QKI: variants seen among roughly 807,000 people sequenced by gnomAD.
The protein encoded by QKI is KH domain-containing RNA-binding protein QKI.
A neutral mutation model predicts 39.0 loss-of-function variants in QKI; 10 were observed. The ratio of observed to expected loss-of-function variants is 0.26; its 90% CI spans 0.16 to 0.43. The LOEUF is 0.43. Among genes scored for constraint, QKI ranks in the 20% least tolerant of loss-of-function variants. The pLI is 1.00. For synonymous variants in QKI, 204 were observed against 155.4 expected, an observed-to-expected ratio of 1.31 and a Z score of -2.33; for missense variants, 218 against 428.0, an observed-to-expected ratio of 0.51 and a Z score of 4.33.
intron 1 of QKI, among the ~76,000 whole-genome samples, chr6:163,431,768 G>A (rs1436015234): frequency 6.9e-6 from 1 of 145,540 alleles, no homozygotes; most frequent in Non-Finnish European, 1.5e-5. Context: ...TAGTAGAATA[G>A]CATTTTATTT....
At chr6:163,511,005 C>CA (rs1396364124) in intron 3 of QKI, among the ~76,000 whole-genome samples, 1 of 152,122 alleles carries the variant, frequency 6.6e-6, no homozygotes, top group East Asian at 1.9e-4. Context: ...GTACATTCAC[C>CA]AAAACAGAGC....
chr6:163,552,187 A>G (rs1014672936), intron 4 of QKI, among the ~76,000 whole-genome samples: 6 of 150,156 alleles, frequency 4.0e-5, no homozygotes, highest in Non-Finnish European at 8.9e-5. Context: ...GAAGTGGATC[A>G]TCATAAAGTT....
In QKI at chr6:163,571,302, A is replaced by C. The variant is rs1783686002; in HGVS notation, c.*592A>C. 6.6e-6 allele frequency: 1 copy of C among 152,226 alleles called. No individual in the cohort carries two copies. The highest frequency in any genetic ancestry group is 2.1e-4 in the South Asian group (1 of 4,836). The allele number at this position is 152,226 out of a possible 1,614,324, so 9.4% of individuals were successfully genotyped here. A position where few individuals can be genotyped will look rare whatever the true frequency, so the allele number is the denominator to read the frequency against. The stretch of plus-strand genomic sequence containing the variant: ...AGCCTTTTTTATATTGCCTGCCAAA[A>C]TTTGAAGTATTAGAAGAAAGTGTGC... On this transcript the variant is annotated 3_prime_UTR_variant, in exon 8 of 8. Transcript: ENST00000361752.
intron 3 of QKI, among the ~76,000 whole-genome samples, chr6:163,485,954 C>T (rs2128227204): frequency 6.6e-6 from 1 of 152,196 alleles, no homozygotes; most frequent in East Asian, 1.9e-4. Context: ...CAAACAAAAA[C>T]CTCATGTTTT....
chr6:163,474,941 TA>T (rs1792480456), intron 2 of QKI, among the ~76,000 whole-genome samples: 2 of 143,142 alleles, frequency 1.4e-5, no homozygotes, highest in South Asian at 4.2e-4. Context: ...AGATGAGAGA[TA>T]ACTTAACCAA....
intron 3 of QKI, among the ~76,000 whole-genome samples, chr6:163,488,969 ATTTC>A (rs1347677502): frequency 1.4e-4 from 12 of 86,420 alleles, no homozygotes; most frequent in African/African-American, 2.4e-4. Flanking sequence ...TTATCCTTCC[ATTTC>A]TTTTTTTTTT....
At chr6:163,551,438 C>CTAA (rs1418328279) in intron 4 of QKI, among the ~76,000 whole-genome samples, 1 of 152,192 alleles carries the variant, frequency 6.6e-6, no homozygotes, top group Non-Finnish European at 1.5e-5. Context: ...CTAGCTTAGC[C>CTAA]TAACTCTGAG....
chr6:163,509,461 A>G (rs1193325818), intron 3 of QKI, among the ~76,000 whole-genome samples: 1 of 107,750 alleles, frequency 9.3e-6, no homozygotes, highest in South Asian at 3.6e-4. Flanking sequence ...TTTATATTAC[A>G]TATGACCATT....
At chr6:163,426,161 A>T (rs1439224337) in intron 1 of QKI, among the ~76,000 whole-genome samples, 1 of 152,116 alleles carries the variant, frequency 6.6e-6, no homozygotes, top group African/African-American at 2.4e-5. Flanking sequence ...TATTCTTTAT[A>T]GCTGGATTGT....
At chr6:163,559,773 A>C (rs1350289020) in intron 4 of QKI, among the ~76,000 whole-genome samples, 1 of 152,226 alleles carries the variant, frequency 6.6e-6, no homozygotes, top group Non-Finnish European at 1.5e-5. Flanking sequence ...TTGTAATGCC[A>C]AAAACAGAAT....
At chr6:163,544,819 T>G (rs1781768418) in intron 4 of QKI, among the ~76,000 whole-genome samples, 2 of 152,078 alleles carry the variant, frequency 1.3e-5, no homozygotes, top group Non-Finnish European at 2.9e-5. Flanking sequence ...AATGTGGGTA[T>G]TTTGAGGAGA....
In QKI at chr6:163,519,815, T is replaced by G. The variant is rs575241389; in HGVS notation, c.403-15167T>G. ...GCATTATAGTTATTTTATATAGTTG[T>G]TATATAAAGTTTGTTTAATATCTCA... On this transcript the variant is annotated intron_variant, in intron 3 of 7. Coordinates refer to ENST00000361752, the MANE Select transcript of QKI (RefSeq NM_006775.3). Among the ~76,000 whole-genome samples the G allele has an allele frequency of 4.6e-5, 7 of 152,258 alleles. No individual in the cohort carries two copies. The South Asian group carries it at 1.4e-3, about 32-fold the overall frequency.
intron 1 of QKI, among the ~76,000 whole-genome samples, chr6:163,440,371 A>C (rs1176330867): frequency 1.3e-5 from 2 of 152,212 alleles, no homozygotes; most frequent in African/African-American, 4.8e-5. Flanking sequence ...CCTAACTATG[A>C]AATGAAGGTG....
At chr6:163,513,146 G>A (rs909013097) in intron 3 of QKI, among the ~76,000 whole-genome samples, 4 of 152,042 alleles carry the variant, frequency 2.6e-5, no homozygotes, top group South Asian at 4.1e-4. Flanking sequence ...AGGAAAAAAC[G>A]TAGTGTATAT....
At chr6:163,488,838 G>T (rs572711115) in intron 3 of QKI, among the ~76,000 whole-genome samples, 1 of 152,164 alleles carries the variant, frequency 6.6e-6, no homozygotes, top group Non-Finnish European at 1.5e-5. Context: ...TATTTACATG[G>T]TTCCAAAGCA....
At chr6:163,485,909 C>T (rs1583074185) in intron 3 of QKI, among the ~76,000 whole-genome samples, 1 of 152,194 alleles carries the variant, frequency 6.6e-6, no homozygotes, top group Non-Finnish European at 1.5e-5. Flanking sequence ...ACATAAAATA[C>T]ACTAACAATA....
At chr6:163,501,518 G>A (rs1460124222) in intron 3 of QKI, among the ~76,000 whole-genome samples, 1 of 152,198 alleles carries the variant, frequency 6.6e-6, no homozygotes, top group East Asian at 1.9e-4. Context: ...CTTACGGGGA[G>A]GAGGGAGAAC....
At chr6:163,547,401 CTAGAAT>C (rs1322913050) in intron 4 of QKI, among the ~76,000 whole-genome samples, 1 of 152,182 alleles carries the variant, frequency 6.6e-6, no homozygotes, top group Non-Finnish European at 1.5e-5. Flanking sequence ...CATGCTCTCA[CTAGAAT>C]TAAAGTATTT....
At chr6:163,496,015 G>GATT (rs1778383489) in intron 3 of QKI, among the ~76,000 whole-genome samples, 2 of 152,140 alleles carry the variant, frequency 1.3e-5, no homozygotes, top group South Asian at 4.1e-4. Flanking sequence ...ATTTAGGATT[G>GATT]TAATGTCTTT....
Sources: allele counts gnomAD v4.1 joint callset (sites outside exome capture counted in the v4.1 genomes callset), GRCh38; gene constraint gnomAD v4.1.1; transcripts MANE v1.5; gene names NCBI Gene and HGNC (gene_info 2026-07-23, HGNC 2026-07-21).